The following LYST variants were observed in gnomAD, a reference collection of about 807,000 sequenced individuals.
LYST encodes the protein lysosomal trafficking regulator.
A neutral mutation model predicts 413.6 loss-of-function variants in LYST; 192 were observed. The ratio of observed to expected loss-of-function variants is 0.46; its 90% CI spans 0.41 to 0.52. The LOEUF is 0.52. LYST is among the 20% of genes least tolerant of loss of function. The pLI, the probability that LYST is intolerant of heterozygous loss-of-function variation, is 0.00. For missense variants in LYST, 3,815 were observed against 4,499.9 expected, an observed-to-expected ratio of 0.85 and a Z score of 4.35; for synonymous variants, 1,525 against 1,567.3, an observed-to-expected ratio of 0.97 and a Z score of 0.64.
At chr1:235,675,336 A>T (rs569020764) in intron 50 of LYST, among the ~76,000 whole-genome samples, 11 of 152,314 alleles carry the variant, frequency 7.2e-5, no homozygotes, top group African/African-American at 2.4e-4. Flanking sequence ...AGAAAACTTT[A>T]AGTCTTAGCC....
chr1:235,723,985 G>A (rs778798902), intron 39 of LYST, 43 bp downstream of exon 39: 7 of 1,534,064 alleles, frequency 4.6e-6, no homozygotes, highest in African/African-American at 4.1e-5. Flanking sequence ...AGTGGCCCAT[G>A]AGCACTTAAA....
intron 16 of LYST, among the ~76,000 whole-genome samples, chr1:235,778,493 G>C (rs1326232443): frequency 6.6e-6 from 1 of 151,858 alleles, no homozygotes; most frequent in Non-Finnish European, 1.5e-5. Flanking sequence ...TCCTGCTTCG[G>C]CCTCCTGAGT....
intron 2 of LYST, among the ~76,000 whole-genome samples, chr1:235,832,848 C>T (rs1346806133): frequency 6.6e-6 from 1 of 151,938 alleles, no homozygotes; most frequent in Non-Finnish European, 1.5e-5. Context: ...CTCCAAGGCG[C>T]TTTATATTTT....
intron 3 of LYST, among the ~76,000 whole-genome samples, chr1:235,823,933 T>C (rs1675056092): frequency 6.6e-6 from 1 of 152,232 alleles, no homozygotes; most frequent in African/African-American, 2.4e-5. Context: ...TCTCCGCATC[T>C]AGCAGAGGTG....
intron 14 of LYST, among the ~76,000 whole-genome samples, chr1:235,783,199 T>TTG (rs1670045479): frequency 6.6e-6 from 1 of 152,198 alleles, no homozygotes; most frequent in African/African-American, 2.4e-5. Flanking sequence ...AAATTCAACT[T>TTG]TGTGTATATT....
At chr1:235,715,467 T>C in intron 41 of LYST, 110 bp from the exon 42 acceptor site, 1 of 1,020,122 alleles carries the variant, frequency 9.8e-7, no homozygotes, top group Non-Finnish European at 1.5e-6. Flanking sequence ...TTTGAGGCCA[T>C]TCTCCATGGC....
chr1:235,733,034 C>T (rs941397326), intron 34 of LYST, among the ~76,000 whole-genome samples: 4 of 151,996 alleles, frequency 2.6e-5, no homozygotes, highest in East Asian at 3.9e-4. Flanking sequence ...ATAAACTTTT[C>T]GAGTAATTCT....
intron 10 of LYST, among the ~76,000 whole-genome samples, chr1:235,795,734 T>TC (rs1671488087): frequency 6.6e-6 from 1 of 152,006 alleles, no homozygotes. Flanking sequence ...AGAGGAAATC[T>TC]CCAACAGTTT....
intron 1 of LYST, among the ~76,000 whole-genome samples, chr1:235,872,295 CAAAAAAAAAA>C (rs3077214): frequency 9.3e-6 from 1 of 107,674 alleles, no homozygotes; most frequent in African/African-American, 3.8e-5. Flanking sequence ...CATTCTGTCT[CAAAAAAAAAA>C]AAAAAAAAAA....
At position 235,663,873 on chromosome 1, in the gene LYST, CATG is replaced by C; in HGVS notation, c.11267+108_11267+110del. 4 of 954,266 alleles carry C rather than the reference CATG, an allele frequency of 4.2e-6. No individual in the cohort carries two copies. In the South Asian group the frequency reaches 5.2e-5, roughly 12 times the overall value. The allele number at this position is 954,266 out of a possible 1,614,324, so 59.1% of individuals were successfully genotyped here. ...GCTGTGTGTTAAGTGGTTGGCTTTT[CATG>C]ATGACTTCAATTGCACATTTCTTTA... On this transcript the variant is annotated intron_variant, in intron 52 of 52. Transcript: ENST00000389793.
At chr1:235,793,738 G>A in intron 10 of LYST, 126 bp from the exon 11 acceptor site, 2 of 519,894 alleles carry the variant, frequency 3.8e-6, no homozygotes, top group Non-Finnish European at 7.0e-6. Context: ...ATCTAGTATA[G>A]GAATCACAAA....
At chr1:235,794,767 C>T (rs1671382327) in intron 10 of LYST, among the ~76,000 whole-genome samples, 1 of 152,110 alleles carries the variant, frequency 6.6e-6, no homozygotes, top group Non-Finnish European at 1.5e-5. Flanking sequence ...ATAGCATGGA[C>T]TTTATCCTGT....
chr1:235,791,789 G>T lies in LYST; in HGVS notation c.4453C>A (p.His1485Asn), dbSNP rs766155381. Residue 1485 changes from histidine (H) to asparagine (N), a missense_variant, in exon 12 of 53, where the codon CAT (histidine) becomes AAT (asparagine). His to Asn is a moderately conservative substitution (Grantham distance 68). Around this residue, in one of 4 missense-constraint regions of LYST, gnomAD observed 1,648 missense variants for 1,810.3 expected, o/e 0.91. Transcript: ENST00000389793. Reference protein sequence around the residue: ...VSLWFNVECIHEAESTTEKGK... With the variant: ...VSLWFNVECINEAESTTEKGK... ...TTTTCTGTAGTACTCTCAGCTTCAT[G>T]GATACACTCCACATTAAACCACAGG... 2 of 1,613,302 alleles carry T rather than the reference G, an allele frequency of 1.2e-6. No individual in the cohort carries two copies.
chr1:235,759,728 TTTTACAA>T, intron 22 of LYST, 129 bp from the exon 23 acceptor site: 1 of 700,882 alleles, frequency 1.4e-6, no homozygotes, highest in Non-Finnish European at 2.5e-6. Context: ...TATAGGTTAA[TTTTACAA>T]GTAACTAATG....
chr1:235,712,286 A>T, intron 42 of LYST, 89 bp from the exon 43 acceptor site: 1 of 938,950 alleles, frequency 1.1e-6, no homozygotes, highest in Non-Finnish European at 1.6e-6. Flanking sequence ...TGCCACTTCA[A>T]AAAGATTAAA....
chr1:235,805,453 C>G (rs974114488), intron 6 of LYST, among the ~76,000 whole-genome samples: 27 of 151,990 alleles, frequency 1.8e-4, no homozygotes, highest in African/African-American at 6.5e-4. Flanking sequence ...GAGTTCTGGG[C>G]AGGGCAGCCA....
At chr1:235,815,855 G>C (rs901344306) in intron 3 of LYST, among the ~76,000 whole-genome samples, 1 of 152,080 alleles carries the variant, frequency 6.6e-6, no homozygotes, top group Non-Finnish European at 1.5e-5. Flanking sequence ...AAATGGGGCC[G>C]GGCGCGGTGG....
At chr1:235,688,471 A>C (rs1216765765) in intron 47 of LYST, among the ~76,000 whole-genome samples, 1 of 152,226 alleles carries the variant, frequency 6.6e-6, no homozygotes, top group Non-Finnish European at 1.5e-5. Context: ...GTATAAAAGA[A>C]GGCTGGAGAC....
intron 10 of LYST, among the ~76,000 whole-genome samples, chr1:235,795,125 G>A (rs190268158): frequency 1.6e-4 from 24 of 152,272 alleles, no homozygotes; most frequent in African/African-American, 5.8e-4. Flanking sequence ...AAGAAGCCGA[G>A]CTGTCCATCT....
Sources: gnomAD v4.1 joint callset for allele counts (sites outside exome capture counted in the v4.1 genomes callset) on GRCh38, gnomAD v4.1.1 for gene constraint, gnomAD v4.1.1 regional missense constraint, MANE v1.5 for transcripts, NCBI Gene and HGNC (gene_info 2026-07-23, HGNC 2026-07-21) for gene names.